Variants in LYRM4 observed in about 807,000 individuals in gnomAD.
LYRM4 encodes the protein LYR motif containing 4, also known as LYR motif-containing protein 4.
Under a neutral mutation model 11.7 loss-of-function variants are expected in LYRM4, and 9 were observed. That is an observed-to-expected ratio of 0.77 (90% CI 0.46 to 1.34). The LOEUF (loss-of-function observed/expected upper bound fraction) is 1.34. LYRM4 is among the 40% of genes most tolerant of loss of function. The pLI, the probability that LYRM4 is intolerant of heterozygous loss-of-function variation, is 0.00. For synonymous variants in LYRM4, 42 were observed against 40.4 expected (o/e 1.04, Z -0.15); for missense variants, 133 against 112.5 (o/e 1.18, Z -0.82).
chr6:5,152,978 G>A (rs527400626), intron 2 of LYRM4, among the ~76,000 whole-genome samples: 8 of 152,202 alleles, frequency 5.3e-5, no homozygotes, highest in African/African-American at 2.4e-5. Context: ...ACTTAAGGCC[G>A]CTGGGCTTGC....
chr6:5,166,428 A>C (rs1177939065), intron 2 of LYRM4, among the ~76,000 whole-genome samples: 1 of 152,244 alleles, frequency 6.6e-6, no homozygotes, highest in Non-Finnish European at 1.5e-5. Context: ...TAGATCATGC[A>C]GTTATTCTTC....
chr6:5,208,270 C>T (rs566872299), intron 2 of LYRM4, among the ~76,000 whole-genome samples: 2 of 152,292 alleles, frequency 1.3e-5, no homozygotes, highest in South Asian at 2.1e-4. Flanking sequence ...AGGCAACTTG[C>T]CTGAGATCAT....
the LYRM4 span, among the ~76,000 whole-genome samples, chr6:5,061,912 TTA>T: frequency 6.6e-6 from 1 of 152,180 alleles, no homozygotes; most frequent in Non-Finnish European, 1.5e-5. Context: ...TGGAGGTCTT[TTA>T]TATGTGTGCA....
chr6:5,098,927 T>A (rs973907746), downstream of LYRM4, among the ~76,000 whole-genome samples: 58 of 152,286 alleles, frequency 3.8e-4, no homozygotes, highest in African/African-American at 1.4e-3. Flanking sequence ...ATTCTTCACA[T>A]CTGGTTGCCG....
At chr6:5,252,517 G>A (rs1296312476) in intron 1 of LYRM4, among the ~76,000 whole-genome samples, 1 of 152,026 alleles carries the variant, frequency 6.6e-6, no homozygotes, top group Non-Finnish European at 1.5e-5. Flanking sequence ...TACTGTCTTT[G>A]CCTGGAATGC....
At chr6:5,050,298 G>A in the LYRM4 span, among the ~76,000 whole-genome samples, 3 of 152,212 alleles carry the variant, frequency 2.0e-5, no homozygotes, top group African/African-American at 4.8e-5. Flanking sequence ...TGTGCCTGAG[G>A]CAGCTTGCAA....
rs1764996834 is a variant in LYRM4 at position 5,260,559 on chromosome 6, C to T, written c.86+89G>A. On this transcript the variant is annotated intron_variant, in intron 1 of 2. Transcript: ENST00000330636. ...GCCGCCGGCAAACCACGGTGGCTCC[C>T]AGTCCCCGGGGATATTCCGCGTCAG... 4 of 1,498,036 alleles carry T rather than the reference C, an allele frequency of 2.7e-6. No individual in the cohort carries two copies. The South Asian group carries it at 4.8e-5, about 18-fold the overall frequency. 92.8% of individuals were successfully genotyped at this position (1,498,036 alleles called of 1,614,324 possible).
chr6:5,034,753 C>CTTTGTTTTTTTTT, the LYRM4 span: 1 of 93,852 alleles, frequency 1.1e-5, no homozygotes, highest in African/African-American at 5.0e-5. Flanking sequence ...TACAGCAATG[C>CTTTGTTTTTTTTT]TTTTTTTTTT....
the LYRM4 span, among the ~76,000 whole-genome samples, chr6:5,097,907 T>C: frequency 2.0e-5 from 3 of 152,232 alleles, no homozygotes; most frequent in Non-Finnish European, 4.4e-5. Flanking sequence ...TCTTCAGAGA[T>C]TATCCACCCG....
chr6:5,115,955 C>T (rs1036085153), intron 2 of LYRM4, among the ~76,000 whole-genome samples: 3 of 152,162 alleles, frequency 2.0e-5, no homozygotes, highest in African/African-American at 7.2e-5. Context: ...CCTACATGAG[C>T]ATCGGTGACT....
At chr6:5,228,781 A>G (rs1561886241) in intron 1 of LYRM4, among the ~76,000 whole-genome samples, 1 of 151,354 alleles carries the variant, frequency 6.6e-6, no homozygotes, top group Non-Finnish European at 1.5e-5. Context: ...TGGGAGGATC[A>G]TGAGGTCAGG....
At chr6:5,152,481 T>A (rs1214129547) in intron 2 of LYRM4, among the ~76,000 whole-genome samples, 1 of 152,126 alleles carries the variant, frequency 6.6e-6, no homozygotes. Flanking sequence ...AATATTTTTT[T>A]AAAAACTATA....
chr6:5,204,186 G>A lies in LYRM4; in HGVS notation c.207+12432C>T, dbSNP rs139504566. Among the ~76,000 whole-genome samples the A allele has an allele frequency of 5.7e-3, 875 of 152,212 alleles. 8 individuals are homozygous for A. Among genetic ancestry groups the A allele is most frequent in the Non-Finnish European group, 9.1e-3 (616 of 68,018 alleles). Reference sequence around the variant, plus strand: ...TGGGCCTGTGCCTTCATGCCTTCCCGTGGGGCACCAGGGAAAATAAAAGAG... The same window carrying A: ...TGGGCCTGTGCCTTCATGCCTTCCCATGGGGCACCAGGGAAAATAAAAGAG... On this transcript the variant is annotated intron_variant, in intron 2 of 2. Transcript: ENST00000330636.
the LYRM4 span, among the ~76,000 whole-genome samples, chr6:5,061,569 A>T: frequency 6.6e-6 from 1 of 152,254 alleles, no homozygotes; most frequent in African/African-American, 2.4e-5. Context: ...TGTGTTCAAT[A>T]GCAAACGCTG....
chr6:5,048,084 G>A, the LYRM4 span, among the ~76,000 whole-genome samples: 1 of 152,172 alleles, frequency 6.6e-6, no homozygotes, highest in Non-Finnish European at 1.5e-5. Flanking sequence ...TAGCCTCAAT[G>A]TCTACTAACA....
the LYRM4 span, among the ~76,000 whole-genome samples, chr6:5,049,815 G>C: frequency 1.6e-4 from 24 of 152,216 alleles, no homozygotes; most frequent in South Asian, 4.8e-3. Flanking sequence ...GATTATAGGC[G>C]TGCACCACCA....
At chr6:5,245,107 AAAAAAAATATATATATATAT>A (rs1764098432) in intron 1 of LYRM4, among the ~76,000 whole-genome samples, 17 of 49,710 alleles carry the variant, frequency 3.4e-4, no homozygotes, top group African/African-American at 1.0e-3. Context: ...AAAAAAAAAA[AAAAAAAATATATATATATAT>A]ATATATATAT....
chr6:5,085,781 T>TGCAGCAGCA, the LYRM4 span: 4 of 1,532,728 alleles, frequency 2.6e-6, no homozygotes, highest in Non-Finnish European at 2.6e-6. Context: ...GCCAAGTTCC[T>TGCAGCAGCA]GCAGCAGCAG....
At chr6:5,085,381 G>A in the LYRM4 span, 1 of 817,450 alleles carries the variant, frequency 1.2e-6, no homozygotes, top group Non-Finnish European at 1.9e-6. Context: ...CTCGGGGAGG[G>A]CGAGCCTGAA....
Sources: allele counts gnomAD v4.1 joint callset (sites outside exome capture counted in the v4.1 genomes callset), GRCh38; gene constraint gnomAD v4.1.1; transcripts MANE v1.5; gene names NCBI Gene and HGNC (gene_info 2026-07-23, HGNC 2026-07-21).